Variants in GLB1 observed in about 807,000 individuals in gnomAD.
GLB1 encodes beta-galactosidase.
A neutral mutation model predicts 74.0 loss-of-function variants in GLB1; 56 were observed. The observed-to-expected ratio is 0.76, with a 90% CI of 0.61 to 0.94. The LOEUF (loss-of-function observed/expected upper bound fraction) is 0.94, where lower values mean the gene tolerates loss of function less well. Ranked by LOEUF, GLB1 falls within the 40% of genes least tolerant of loss-of-function variation. The probability of loss-of-function intolerance (pLI) is 0.00; values close to 1 mark genes in which losing one functional copy is unlikely to be tolerated. For synonymous variants in GLB1, 323 were observed against 323.6 expected (o/e 1.00, Z 0.02); for missense variants, 787 against 845.5 (o/e 0.93, Z 0.86).
the GLB1 span, among the ~76,000 whole-genome samples, chr3:32,989,959 CT>C: frequency 6.6e-6 from 1 of 152,190 alleles, no homozygotes; most frequent in Non-Finnish European, 1.5e-5. Context: ...TGTTATTATT[CT>C]TATTAAGCAC....
the GLB1 span, among the ~76,000 whole-genome samples, chr3:32,964,148 T>A: frequency 1.3e-5 from 2 of 152,176 alleles, no homozygotes; most frequent in African/African-American, 4.8e-5. Flanking sequence ...AAACAGACTA[T>A]CATTGGAGGC....
intron 10 of GLB1, among the ~76,000 whole-genome samples, chr3:33,025,664 CGG>C: frequency 1.4e-5 from 2 of 145,444 alleles, no homozygotes; most frequent in Non-Finnish European, 3.1e-5. Flanking sequence ...CTGGCTGTGG[CGG>C]AAGGAGGTCG....
In GLB1 at chr3:33,051,094, G is replaced by A. The variant is rs140769062; in HGVS notation, c.955+664C>T. On this transcript the variant is annotated intron_variant, in intron 9 of 15. Coordinates refer to ENST00000307363, the MANE Select transcript of GLB1 (RefSeq NM_000404.4). ...ATACAAAAACAAAAATTAGCTGGGT[G>A]TGGTGGCGGGTGCCTGTAGTCCCAG... 0.023 allele frequency among the ~76,000 whole-genome samples: 3,564 copies of A among 151,960 alleles called. 507 individuals are homozygous for A. In the East Asian group the frequency reaches 0.4, roughly 17 times the overall value.
chr3:33,024,152 C>G, intron 11 of GLB1, 99 bp downstream of exon 11: 1 of 1,356,360 alleles, frequency 7.4e-7, no homozygotes, highest in Non-Finnish European at 1.0e-6. Flanking sequence ...AAATAACGAA[C>G]CAATTCCTCC....
chr3:33,046,007 T>C, intron 10 of GLB1, 113 bp downstream of exon 10: 1 of 1,343,788 alleles, frequency 7.4e-7, no homozygotes, highest in Non-Finnish European at 1.0e-6. Flanking sequence ...CCTCCCTTCA[T>C]CCATCCTTTT....
intron 1 of GLB1, chr3:33,091,125 A>G: frequency 1.0e-6 from 1 of 985,454 alleles, no homozygotes; most frequent in Non-Finnish European, 1.2e-6. Flanking sequence ...GGGAGTAAGG[A>G]TGATTCACAA....
At chr3:33,031,695 G>A (rs1575429323) in intron 10 of GLB1, among the ~76,000 whole-genome samples, 2 of 115,542 alleles carry the variant, frequency 1.7e-5, no homozygotes, top group South Asian at 3.0e-4. Context: ...AAATCTTGTA[G>A]TTAATTTCTC....
intron 10 of GLB1, chr3:33,033,868 G>A (rs867977334): frequency 4.0e-6 from 2 of 506,050 alleles, no homozygotes; most frequent in Middle Eastern, 6.8e-4. Context: ...GTATCATGGT[G>A]TCAGTAATTA....
chr3:33,005,858 C>T (rs4678941), intron 15 of GLB1, among the ~76,000 whole-genome samples: 142,392 of 152,284 alleles, frequency 0.94, 67,300 homozygotes, highest in East Asian at 1. Context: ...AACCGTTTAT[C>T]ATACATTGTT....
chr3:33,090,911 G>C, intron 1 of GLB1: 1 of 985,318 alleles, frequency 1.0e-6, no homozygotes, highest in South Asian at 4.7e-5. Flanking sequence ...AAGAAAAGAG[G>C]TAAGGATGCA....
chr3:33,027,001 T>C (rs1697792341), intron 10 of GLB1, among the ~76,000 whole-genome samples: 1 of 152,216 alleles, frequency 6.6e-6, no homozygotes. Flanking sequence ...AAAAGAGCTG[T>C]AACACAAATA....
chr3:33,068,718 C>G (rs2125548493), intron 3 of GLB1, 102 bp downstream of exon 3: 2 of 1,599,028 alleles, frequency 1.3e-6, no homozygotes, highest in Non-Finnish European at 1.7e-6. Context: ...GTCCCAGGCC[C>G]CATGCTCTCT....
intron 1 of GLB1, among the ~76,000 whole-genome samples, chr3:33,088,351 T>C (rs925065249): frequency 2.1e-5 from 3 of 145,778 alleles, no homozygotes; most frequent in African/African-American, 7.6e-5. Context: ...ATCTTAGATG[T>C]AGGAAACCCT....
At chr3:33,088,065 G>A (rs1700599365) in intron 1 of GLB1, among the ~76,000 whole-genome samples, 1 of 151,878 alleles carries the variant, frequency 6.6e-6, no homozygotes, top group Non-Finnish European at 1.5e-5. Context: ...ACCCTTTCAT[G>A]ATTAAAAAAA....
intron 10 of GLB1, chr3:33,030,386 A>C (rs1393767666): frequency 4.9e-6 from 3 of 607,550 alleles, no homozygotes; most frequent in African/African-American, 2.0e-5. Flanking sequence ...CAGGAAACGA[A>C]GAGACCAGTA....
rs1169619664 is a variant in GLB1 at position 32,997,034 on chromosome 3, G to C, written c.*11C>G. On this transcript the variant is annotated 3_prime_UTR_variant, in exon 16 of 16. Coordinates refer to ENST00000307363, the MANE Select transcript of GLB1 (RefSeq NM_000404.4). ...CAGGGTAGAATCCCTCAAAGACACA[G>C]GCTTTCATCATCATACATGGTCCAG... The C allele has an allele frequency of 6.2e-7, 1 of 1,614,014 alleles. No homozygotes were observed. The highest frequency in any genetic ancestry group is 1.3e-5 in the African/African-American group (1 of 74,896).
chr3:33,075,198 C>T (rs1559413392), intron 1 of GLB1, among the ~76,000 whole-genome samples: 1 of 152,148 alleles, frequency 6.6e-6, no homozygotes, highest in Non-Finnish European at 1.5e-5. Context: ...AATAAGTGTT[C>T]CTCACAAGTT....
At chr3:33,033,395 A>G (rs932184248) in intron 10 of GLB1, among the ~76,000 whole-genome samples, 17 of 152,238 alleles carry the variant, frequency 1.1e-4, no homozygotes, top group African/African-American at 4.1e-4. Flanking sequence ...ACAAATTTCA[A>G]TCAGCCAGGC....
intron 15 of GLB1, among the ~76,000 whole-genome samples, chr3:33,003,981 G>A (rs1696682557): frequency 6.6e-6 from 1 of 152,000 alleles, no homozygotes; most frequent in Non-Finnish European, 1.5e-5. Flanking sequence ...AATGAGCTGA[G>A]ATCGTGTCGC....
Sources: gnomAD v4.1 joint callset for allele counts (sites outside exome capture counted in the v4.1 genomes callset) on GRCh38, gnomAD v4.1.1 for gene constraint, MANE v1.5 for transcripts, NCBI Gene and HGNC (gene_info 2026-07-23, HGNC 2026-07-21) for gene names.